Variants in TMEM97 observed in about 807,000 individuals in gnomAD.
TMEM97 encodes the protein transmembrane protein 97, also known as sigma intracellular receptor 2.
A neutral mutation model predicts 18.3 loss-of-function variants in TMEM97; 13 were observed. The ratio of observed to expected loss-of-function variants is 0.71; its 90% CI spans 0.46 to 1.13. The LOEUF (loss-of-function observed/expected upper bound fraction) is 1.13. Among genes scored for constraint, TMEM97 ranks in the 50% most tolerant of loss-of-function variants. The pLI, the probability that TMEM97 is intolerant of heterozygous loss-of-function variation, is 0.00. For missense variants in TMEM97, 205 were observed against 210.5 expected (o/e 0.97, Z 0.16); for synonymous variants, 76 against 85.3 (o/e 0.89, Z 0.60).
chr17:28,319,314 C>G lies in TMEM97; in HGVS notation c.75C>G (p.Thr25=), dbSNP rs782423705. ...ACTTCCTCAGCCACATCCCCATCACCCTGTTCATGGACCTGCAGGCGGTGC... is the reference window on the plus strand; with the variant it reads ...ACTTCCTCAGCCACATCCCCATCACGCTGTTCATGGACCTGCAGGCGGTGC... ...GLYFLSHIPI[T]LFMDLQAVLP... Residue 25 remains threonine (T), a synonymous_variant, in exon 1 of 3, where the codon ACC becomes ACG. Coordinates refer to ENST00000226230, the MANE Select transcript of TMEM97 (RefSeq NM_014573.3). 4 of 1,611,074 alleles carry G rather than the reference C, an allele frequency of 2.5e-6. No individual in the cohort carries two copies. The South Asian group carries it at 3.3e-5, about 13-fold the overall frequency.
intron 1 of TMEM97, among the ~76,000 whole-genome samples, chr17:28,320,135 GT>G (rs2142153806): frequency 6.6e-6 from 1 of 152,224 alleles, no homozygotes; most frequent in Admixed American, 6.5e-5. Flanking sequence ...CCTGTCCTCA[GT>G]TTTGTTTCTC....
intron 2 of TMEM97, 45 bp from the exon 3 acceptor site, chr17:28,326,489 T>C (rs1028726020): frequency 1.3e-6 from 2 of 1,586,966 alleles, no homozygotes; most frequent in Non-Finnish European, 1.7e-6. Context: ...CACCTTTGAG[T>C]CATGAACAGA....
rs781934593 is a variant in TMEM97 at position 28,325,630 on chromosome 17, C to T, written c.254C>T (p.Thr85Met). The change falls in exon 2 of 3, where the codon ACG becomes ATG. Residue 85 changes from threonine to methionine, a missense_variant. Thr to Met is a moderately conservative substitution (Grantham distance 81). Coordinates refer to ENST00000226230, the MANE Select transcript of TMEM97 (RefSeq NM_014573.3). The part of the protein sequence containing the change: ...VFQLPFFPIA[T>M]YAFLKGSCKW... ...CAGCTGCCTTTCTTTCCCATTGCAA[C>T]GTATGCCTTCCTCAAAGGTTGGTAA... is the stretch of plus-strand genomic sequence containing the variant. The T allele has an allele frequency of 6.2e-6, 10 of 1,614,048 alleles. No homozygotes were observed. Among genetic ancestry groups the T allele is most frequent in the Admixed American group, 5.0e-5 (3 of 59,992 alleles).
At chr17:28,325,463 G>A (rs1567776322) in intron 1 of TMEM97, 40 bp from the exon 2 acceptor site, 2 of 1,608,542 alleles carry the variant, frequency 1.2e-6, no homozygotes, top group Non-Finnish European at 1.7e-6. Context: ...CCTGTTGAGG[G>A]CAAGTGGCTG....
Position 28,328,666 on chromosome 17 carries a change from T to A in TMEM97, c.*1873T>A, listed in dbSNP as rs2142364018. On this transcript the variant is annotated 3_prime_UTR_variant, in exon 3 of 3. Coordinates refer to ENST00000226230, the MANE Select transcript of TMEM97 (RefSeq NM_014573.3). ...AAATTTTCAGTTCATTTCTGAAAAA[T>A]AAATTGGTCAATAAATTCATTTTGT... 6.2e-7 allele frequency: 1 copy of A among 1,603,206 alleles called. No individual in the cohort carries two copies. Among genetic ancestry groups the A allele is most frequent in the Non-Finnish European group, 8.5e-7 (1 of 1,175,468 alleles).
chr17:28,323,586 A>G (rs1209097787), intron 1 of TMEM97, among the ~76,000 whole-genome samples: 1 of 152,072 alleles, frequency 6.6e-6, no homozygotes, highest in Non-Finnish European at 1.5e-5. Context: ...TTTAGTAGAG[A>G]CGAGGTTTCA....
chr17:28,326,467 G>A, intron 2 of TMEM97, 67 bp from the exon 3 acceptor site: 1 of 1,533,972 alleles, frequency 6.5e-7, no homozygotes, highest in Non-Finnish European at 8.8e-7. Flanking sequence ...GAGACAGTGG[G>A]AAGGTCATGG....
intron 2 of TMEM97, 116 bp downstream of exon 2, chr17:28,325,763 C>T: frequency 7.1e-7 from 1 of 1,418,044 alleles, no homozygotes; most frequent in South Asian, 1.3e-5. Context: ...GAGAATGCTA[C>T]AGGATCTGGG....
rs374654322 is a variant in TMEM97 at position 28,326,613 on chromosome 17, A to G, written c.351A>G (p.Thr117=). The change falls in exon 3 of 3, where the codon ACA becomes ACG. Residue 117 remains threonine, a synonymous_variant. Coordinates refer to ENST00000226230, the MANE Select transcript of TMEM97 (RefSeq NM_014573.3). The stretch of plus-strand genomic sequence containing the variant: ...CAACCTTAATTCCGATACTCTCCAC[A>G]TTTCTGTTTGAGGATTTCTCCAAAG... ...TMTTLIPILS[T]FLFEDFSKAS... is the part of the protein sequence containing the mutation. 1.7e-5 allele frequency: 28 copies of G among 1,614,010 alleles called. No individual in the cohort carries two copies. The highest frequency in any genetic ancestry group is 2.1e-5 in the Non-Finnish European group (25 of 1,180,030).
chr17:28,322,116 G>A (rs1555574948), intron 1 of TMEM97, among the ~76,000 whole-genome samples: 1 of 151,998 alleles, frequency 6.6e-6, no homozygotes, highest in Non-Finnish European at 1.5e-5. Context: ...TTTCCCTAGA[G>A]TTAAAAAACC....
rs1362589340 is a variant in TMEM97 at position 28,327,052 on chromosome 17, G to A, written c.*259G>A. On this transcript the variant is annotated 3_prime_UTR_variant, in exon 3 of 3. Transcript: ENST00000226230. The stretch of plus-strand genomic sequence containing the variant: ...ATGATCTCGGCTCACTGCAACCTCC[G>A]CCTCCTGGGCTCAAGCCATCTTCCT... 4 of 434,628 alleles carry A rather than the reference G, an allele frequency of 9.2e-6. No individual in the cohort carries two copies. Among genetic ancestry groups the A allele is most frequent in the East Asian group, 4.3e-5 (1 of 23,446 alleles). The allele number at this position is 434,628 out of a possible 1,614,324, so 26.9% of individuals were successfully genotyped here. A position where few individuals can be genotyped will look rare whatever the true frequency, so the allele number is the denominator to read the frequency against.
Position 28,326,943 on chromosome 17 carries a change from G to A in TMEM97, c.*150G>A. The A allele has an allele frequency of 2.0e-6, 2 of 983,198 alleles. No homozygotes were observed. Among genetic ancestry groups the A allele is most frequent in the East Asian group, 2.4e-5 (1 of 41,186 alleles). 60.9% of individuals were successfully genotyped at this position (983,198 alleles called of 1,614,324 possible). A position where few individuals can be genotyped will look rare whatever the true frequency, so the allele number is the denominator to read the frequency against. The stretch of plus-strand genomic sequence containing the variant: ...AGAGCAAGATGGTGTCAGGAACCAT[G>A]TCAAACCCTCACCTTCTTCCATTTT... On this transcript the variant is annotated 3_prime_UTR_variant, in exon 3 of 3. Transcript: ENST00000226230.
rs1431155861 is a variant in TMEM97, at chr17:28,328,458, G to A, written c.*1665G>A. The A allele has an allele frequency of 1.0e-5, 6 of 579,302 alleles. No individual in the cohort carries two copies. The highest frequency in any genetic ancestry group is 7.6e-5 in the African/African-American group (4 of 52,430). 35.9% of individuals were successfully genotyped at this position (579,302 alleles called of 1,614,324 possible). ...GAGAACGTACACTGCAGGGCCACCA[G>A]CAGCAGCTGTGCACTGATGTTAAAA... On this transcript the variant is annotated 3_prime_UTR_variant, in exon 3 of 3. Transcript: ENST00000226230.
At position 28,328,553 on chromosome 17, in the gene TMEM97, A is replaced by AG; in HGVS notation, c.*1762dup. 1.3e-6 allele frequency: 1 copy of AG among 742,936 alleles called. No homozygotes were observed. Among genetic ancestry groups the AG allele is most frequent in the Non-Finnish European group, 2.3e-6 (1 of 433,766 alleles). 46.0% of individuals were successfully genotyped at this position (742,936 alleles called of 1,614,324 possible). On this transcript the variant is annotated 3_prime_UTR_variant, in exon 3 of 3. Transcript: ENST00000226230. ...CCTTACACGCCACCTCTTGTGACAT[A>AG]GGTCATTGGTCAAGCCGCTGGAATG...
rs1906356756 is a variant in TMEM97, at chr17:28,326,689, C to T, written c.427C>T (p.Leu143Phe). The change falls in exon 3 of 3, where the codon CTT (leucine) becomes TTT (phenylalanine). Residue 143 changes from leucine (L) to phenylalanine (F), a missense_variant. Transcript: ENST00000226230. ...TGAGACTTTGCATGAACGGTTAACC[C>T]TTGTGTCTGTCTATGCCCCCTACTT... ...RPETLHERLTLVSVYAPYLLI... is the reference protein window; with the variant it reads ...RPETLHERLTFVSVYAPYLLI... 1.2e-6 allele frequency: 2 copies of T among 1,613,972 alleles called. No homozygotes were observed. The highest frequency in any genetic ancestry group is 2.7e-5 in the African/African-American group (2 of 74,862).
Position 28,328,533 on chromosome 17 carries a change from C to T in TMEM97, c.*1740C>T, listed in dbSNP as rs995988970. 1.4e-6 allele frequency: 1 copy of T among 698,950 alleles called. No homozygotes were observed. Among genetic ancestry groups the T allele is most frequent in the African/African-American group, 1.8e-5 (1 of 54,880 alleles). 43.3% of individuals were successfully genotyped at this position (698,950 alleles called of 1,614,324 possible). On this transcript the variant is annotated 3_prime_UTR_variant, in exon 3 of 3. Coordinates refer to ENST00000226230, the MANE Select transcript of TMEM97 (RefSeq NM_014573.3). ...TGTCTTCAGGGGGCTGCATTCCTTA[C>T]ACGCCACCTCTTGTGACATAGGTCA... is the stretch of plus-strand genomic sequence containing the variant.
Position 28,328,258 on chromosome 17 carries a change from A to T in TMEM97, c.*1465A>T, listed in dbSNP as rs1555575838. On this transcript the variant is annotated 3_prime_UTR_variant, in exon 3 of 3. Coordinates refer to ENST00000226230, the MANE Select transcript of TMEM97 (RefSeq NM_014573.3). ...GTTTGTTTTGTGGACTAGGGGATAGAGAATCCAGGGTTCTCTCATGAGGAG... is the reference window on the plus strand; with the variant it reads ...GTTTGTTTTGTGGACTAGGGGATAGTGAATCCAGGGTTCTCTCATGAGGAG... 5.4e-6 allele frequency: 1 copy of T among 185,888 alleles called. No homozygotes were observed. The highest frequency in any genetic ancestry group is 1.1e-5 in the Non-Finnish European group (1 of 90,626). 11.5% of individuals were successfully genotyped at this position (185,888 alleles called of 1,614,324 possible).
At chr17:28,325,429 AT>A (rs1317676846) in intron 1 of TMEM97, 73 bp from the exon 2 acceptor site, 2 of 1,561,608 alleles carry the variant, frequency 1.3e-6, no homozygotes, top group Admixed American at 3.9e-5. Context: ...CCTCCAGTGT[AT>A]TTTCAAATGA....
At chr17:28,319,545 T>C (rs1555574708) in intron 1 of TMEM97, 180 bp downstream of exon 1, 1 of 685,226 alleles carries the variant, frequency 1.5e-6, no homozygotes, top group Non-Finnish European at 2.2e-6. Context: ...TTTGTCTCTA[T>C]CCCAGCCCCT....
Sources: allele counts gnomAD v4.1 joint callset (sites outside exome capture counted in the v4.1 genomes callset), GRCh38; gene constraint gnomAD v4.1.1; transcripts MANE v1.5; gene names NCBI Gene and HGNC (gene_info 2026-07-23, HGNC 2026-07-21).